Variants in RECK observed in about 807,000 individuals in gnomAD.
RECK encodes reversion-inducing cysteine-rich protein with Kazal motifs.
Under a neutral mutation model 115.1 loss-of-function variants are expected in RECK, and 69 were observed. The observed-to-expected ratio is 0.60, with a 90% CI of 0.49 to 0.73. The LOEUF (loss-of-function observed/expected upper bound fraction) is 0.73, where lower values mean the gene tolerates loss of function less well. RECK is among the 30% of genes least tolerant of loss of function. RECK has a pLI of 0.00. For synonymous variants in RECK, 414 were observed against 419.7 expected (o/e 0.99, Z 0.17); for missense variants, 1,047 against 1,203.7 (o/e 0.87, Z 1.93).
At chr9:36,121,487 T>C in intron 19 of RECK, 46 bp from the exon 20 acceptor site, 1 of 1,576,574 alleles carries the variant, frequency 6.3e-7, no homozygotes, top group African/African-American at 1.3e-5. Flanking sequence ...TAGGCAGTCA[T>C]AGGAATTCTT....
chr9:36,121,741 C>T (rs2132679767), intron 20 of RECK, 53 bp downstream of exon 20: 1 of 1,584,070 alleles, frequency 6.3e-7, no homozygotes, highest in Non-Finnish European at 8.6e-7. Context: ...GTTTGGTGCA[C>T]CTAGGAGGGA....
intron 12 of RECK, among the ~76,000 whole-genome samples, chr9:36,104,293 T>C (rs187619015): frequency 0.012 from 368 of 31,914 alleles, 8 homozygotes; most frequent in African/African-American, 0.047. Flanking sequence ...TGTGTGTGTG[T>C]ATATATATAT....
intron 7 of RECK, among the ~76,000 whole-genome samples, 161 bp from the exon 8 acceptor site, chr9:36,083,204 G>A (rs536005469): frequency 9.2e-5 from 14 of 152,160 alleles, no homozygotes; most frequent in South Asian, 4.1e-4. Flanking sequence ...GAATGTCCCC[G>A]TGAGTATACC....
Position 36,121,656 on chromosome 9 carries a change from A to G in RECK, c.2662A>G (p.Ile888Val), listed in dbSNP as rs1309188272. ...TGAATCAGAAATTGTGATCCTGATC[A>G]TTCCCGTCGATCACTATCCAAAAGC... ...SIESEIVILI[I>V]PVDHYPKALQ... Residue 888 changes from isoleucine to valine, a missense_variant, in exon 20 of 21, where the codon ATT becomes GTT. By Grantham distance (29) the Ile-to-Val change is conservative. Transcript: ENST00000377966. The G allele has an allele frequency of 6.2e-7, 1 of 1,614,192 alleles. No homozygotes were observed. The highest frequency in any genetic ancestry group is 1.1e-5 in the South Asian group (1 of 91,076).
chr9:36,108,995 TG>T (rs1823928876), intron 14 of RECK, among the ~76,000 whole-genome samples: 1 of 152,034 alleles, frequency 6.6e-6, no homozygotes, highest in Admixed American at 6.6e-5. Context: ...TACTCTTCTG[TG>T]TGAGATTTGA....
intron 7 of RECK, among the ~76,000 whole-genome samples, chr9:36,082,190 T>TCTCTCTCTCTCTCTCTCA: frequency 1.5e-5 from 1 of 65,464 alleles, no homozygotes; most frequent in Non-Finnish European, 3.6e-5. Flanking sequence ...CTCTCTCTCC[T>TCTCTCTCTCTCTCTCTCA]TTTTTCTTTT....
intron 2 of RECK, chr9:36,057,088 T>A (rs1821558121): frequency 1.1e-6 from 1 of 908,076 alleles, no homozygotes; most frequent in African/African-American, 1.8e-5. Flanking sequence ...TTGCATAACG[T>A]CCTATTTGGA....
intron 4 of RECK, 32 bp downstream of exon 4, chr9:36,060,187 A>G (rs1821699373): frequency 5.6e-6 from 9 of 1,600,764 alleles, no homozygotes; most frequent in Non-Finnish European, 7.7e-6. Context: ...TTTAGCACTT[A>G]ATTTTAAAAA....
intron 16 of RECK, among the ~76,000 whole-genome samples, chr9:36,116,413 C>T (rs1004934078): frequency 6.6e-6 from 1 of 152,194 alleles, no homozygotes; most frequent in Admixed American, 6.5e-5. Flanking sequence ...AGGCGTGAGG[C>T]ACCGTGCCCA....
chr9:36,039,092 T>C (rs1478067358), intron 1 of RECK, among the ~76,000 whole-genome samples: 3 of 152,188 alleles, frequency 2.0e-5, no homozygotes, highest in African/African-American at 7.2e-5. Flanking sequence ...CAGAAAATGC[T>C]GGGTTAGTTG....
intron 3 of RECK, among the ~76,000 whole-genome samples, chr9:36,059,242 A>G (rs572129651): frequency 6.6e-6 from 1 of 152,112 alleles, no homozygotes; most frequent in South Asian, 2.1e-4. Flanking sequence ...GGATTACCTG[A>G]GGTCAGGATT....
chr9:36,063,953 C>A, intron 5 of RECK, 73 bp downstream of exon 5: 2 of 1,395,682 alleles, frequency 1.4e-6, no homozygotes, highest in Non-Finnish European at 2.0e-6. Context: ...TGTCTTGGGC[C>A]TTGCCCACCT....
intron 10 of RECK, among the ~76,000 whole-genome samples, chr9:36,099,267 C>CA (rs2132648903): frequency 1.4e-5 from 2 of 146,356 alleles, no homozygotes; most frequent in South Asian, 4.4e-4. Flanking sequence ...ACAACAACAA[C>CA]AACAGTGGAG....
At chr9:36,057,227 A>G (rs1821563800) in intron 2 of RECK, among the ~76,000 whole-genome samples, 1 of 151,846 alleles carries the variant, frequency 6.6e-6, no homozygotes, top group African/African-American at 2.4e-5. Flanking sequence ...GCTGTTTATG[A>G]ATTTGATCTT....
At chr9:36,065,285 ATCTAGTT>A (rs1465401818) in intron 5 of RECK, among the ~76,000 whole-genome samples, 2 of 151,210 alleles carry the variant, frequency 1.3e-5, no homozygotes, top group African/African-American at 4.8e-5. Context: ...CTTCAAAGAC[ATCTAGTT>A]TCTGAAATAA....
At position 36,065,228 on chromosome 9, in the gene RECK, TAAAAAAAAAAA is replaced by T. The variant is rs561725701; in HGVS notation, c.358-332_358-322del. 1.7e-3 allele frequency among the ~76,000 whole-genome samples: 84 copies of T among 50,556 alleles called. 2 individuals are homozygous for T. The South Asian group carries it at 0.062, about 37-fold the overall frequency. The allele number at this position is 50,556 out of a possible 152,430, so 33.2% of individuals were successfully genotyped here. A position where few individuals can be genotyped will look rare whatever the true frequency, so the allele number is the denominator to read the frequency against. ...AATTTGCTACAGAGTGGAATTCAGC[TAAAAAAAAAAA>T]AAAAAAAAAAAAAAAATCCTCTGAT... On this transcript the variant is annotated intron_variant, in intron 5 of 20. Coordinates refer to ENST00000377966, the MANE Select transcript of RECK (RefSeq NM_021111.3).
chr9:36,049,382 G>A (rs7860959), intron 1 of RECK, among the ~76,000 whole-genome samples: 3,805 of 152,190 alleles, frequency 0.025, 167 homozygotes, highest in African/African-American at 0.087. Context: ...GTTCTTTCTG[G>A]TGTTGCCAGC....
chr9:36,123,390 T>C lies in RECK; in HGVS notation c.*345T>C, dbSNP rs1220110588. ...CACTTTTTAGAAAGATAATTCACTGTACTATCAGGTTCACAAACTTCATTT... is the reference window on the plus strand; with the variant it reads ...CACTTTTTAGAAAGATAATTCACTGCACTATCAGGTTCACAAACTTCATTT... On this transcript the variant is annotated 3_prime_UTR_variant, in exon 21 of 21. Coordinates refer to ENST00000377966, the MANE Select transcript of RECK (RefSeq NM_021111.3). 2 of 195,112 alleles carry C rather than the reference T, an allele frequency of 1.0e-5. No individual in the cohort carries two copies. The highest frequency in any genetic ancestry group is 4.7e-5 in the African/African-American group (2 of 42,830). The allele number at this position is 195,112 out of a possible 1,614,324, so 12.1% of individuals were successfully genotyped here.
intron 17 of RECK, among the ~76,000 whole-genome samples, chr9:36,118,327 A>T (rs1188965461): frequency 6.6e-6 from 1 of 151,946 alleles, no homozygotes; most frequent in Non-Finnish European, 1.5e-5. Flanking sequence ...TGTCTACCCC[A>T]CTGCTCCCCC....
Sources: gnomAD v4.1 joint callset for allele counts (sites outside exome capture counted in the v4.1 genomes callset) on GRCh38, gnomAD v4.1.1 for gene constraint, MANE v1.5 for transcripts, NCBI Gene and HGNC (gene_info 2026-07-23, HGNC 2026-07-21) for gene names.